GRIK1: variants seen among roughly 807,000 people sequenced by gnomAD.
The protein encoded by GRIK1 is glutamate ionotropic receptor kainate type subunit 1.
In GRIK1, 69 loss-of-function variants were observed where a neutral mutation model predicts 105.7. That is an observed-to-expected ratio of 0.65 (90% CI 0.54 to 0.80). GRIK1 has a LOEUF of 0.80. Among genes scored for constraint, GRIK1 ranks in the 30% least tolerant of loss-of-function variants. The pLI is 0.00. For missense variants in GRIK1, 1,109 were observed against 1,167.3 expected, an observed-to-expected ratio of 0.95 and a Z score of 0.73; for synonymous variants, 438 against 431.3, an observed-to-expected ratio of 1.02 and a Z score of -0.19.
chr21:29,597,750 C>A, intron 8 of GRIK1: 1 of 328,462 alleles, frequency 3.0e-6, no homozygotes, highest in Non-Finnish European at 6.7e-6. Context: ...AATTATTTTC[C>A]TCAAATATTT....
intron 1 of GRIK1, among the ~76,000 whole-genome samples, chr21:29,834,012 C>A (rs1293543306): frequency 6.6e-6 from 1 of 151,966 alleles, no homozygotes; most frequent in Non-Finnish European, 1.5e-5. Context: ...TAATTGTATA[C>A]AAATGTATTA....
At chr21:29,771,056 T>C (rs1435692766) in intron 1 of GRIK1, among the ~76,000 whole-genome samples, 2 of 152,218 alleles carry the variant, frequency 1.3e-5, no homozygotes, top group Admixed American at 6.5e-5. Flanking sequence ...GGTTCTGATA[T>C]TTTATTAACA....
intron 7 of GRIK1, among the ~76,000 whole-genome samples, chr21:29,615,425 T>C (rs190481119): frequency 7.0e-4 from 106 of 152,322 alleles, no homozygotes; most frequent in African/African-American, 2.5e-3. Flanking sequence ...TTCTCCTTCC[T>C]CAGCCTCCCA....
At chr21:29,626,205 G>A (rs547898421) in intron 7 of GRIK1, among the ~76,000 whole-genome samples, 192 of 152,304 alleles carry the variant, frequency 1.3e-3, no homozygotes, top group African/African-American at 4.4e-3. Flanking sequence ...ATGGTGGAAC[G>A]TGGAAGGGCA....
At chr21:29,917,841 A>T (rs1237377502) in intron 1 of GRIK1, among the ~76,000 whole-genome samples, 2 of 152,058 alleles carry the variant, frequency 1.3e-5, no homozygotes, top group South Asian at 2.1e-4. Flanking sequence ...AACCAAAGAC[A>T]TGTTTTTCAC....
intron 1 of GRIK1, among the ~76,000 whole-genome samples, chr21:29,773,817 A>G (rs1352312415): frequency 1.3e-5 from 2 of 152,326 alleles, no homozygotes; most frequent in South Asian, 2.1e-4. Context: ...GCTTGCATGT[A>G]TTTTGTGGAA....
At chr21:29,560,503 CCTTCCTTCCTTCCTTCCTTTCTTT>C (rs1308453792) in intron 15 of GRIK1, among the ~76,000 whole-genome samples, 197 of 15,630 alleles carry the variant, frequency 0.013, 31 homozygotes, top group South Asian at 0.015. Context: ...TTCTTTCCTT[CCTTCCTTCCTTCCTTCCTTTCTTT>C]CTTTCTTTCT....
chr21:29,683,904 T>C (rs1601444343), intron 3 of GRIK1, among the ~76,000 whole-genome samples: 1 of 152,214 alleles, frequency 6.6e-6, no homozygotes. Context: ...GCACTGGCTG[T>C]TCCCTCTGCC....
At chr21:29,798,288 C>A (rs751020183) in intron 1 of GRIK1, among the ~76,000 whole-genome samples, 4 of 152,150 alleles carry the variant, frequency 2.6e-5, no homozygotes, top group Non-Finnish European at 5.9e-5. Context: ...ACCAGATTCT[C>A]AATTTAGGTT....
chr21:29,818,775 C>T (rs2067222134), intron 1 of GRIK1, among the ~76,000 whole-genome samples: 1 of 152,044 alleles, frequency 6.6e-6, no homozygotes. Context: ...CACAGTGACA[C>T]AGTAGGTTTG....
intron 1 of GRIK1, among the ~76,000 whole-genome samples, chr21:29,755,569 A>G (rs562262690): frequency 1.3e-5 from 2 of 152,338 alleles, no homozygotes; most frequent in East Asian, 1.9e-4. Flanking sequence ...ACCGCAAAAC[A>G]TCGCTCCAGA....
chr21:29,541,575 C>CTTTTTTTTTTTTTTTGTTTTTTTTT (rs2089971672), intron 16 of GRIK1, among the ~76,000 whole-genome samples: 1 of 96,006 alleles, frequency 1.0e-5, no homozygotes, highest in Non-Finnish European at 2.0e-5. Flanking sequence ...CACTCACGGT[C>CTTTTTTTTTTTTTTTGTTTTTTTTT]TTTTTTTTTT....
chr21:29,659,529 T>C (rs2062920128), intron 4 of GRIK1, among the ~76,000 whole-genome samples: 1 of 152,230 alleles, frequency 6.6e-6, no homozygotes, highest in Admixed American at 6.5e-5. Flanking sequence ...GAGTGTCTTG[T>C]ACCTATTGTA....
At chr21:29,772,035 A>G (rs1307225469) in intron 1 of GRIK1, among the ~76,000 whole-genome samples, 1 of 152,226 alleles carries the variant, frequency 6.6e-6, no homozygotes, top group Non-Finnish European at 1.5e-5. Context: ...CCAATCTCAT[A>G]GTTTATTCGT....
At position 29,568,376 on chromosome 21, in the gene GRIK1, A is replaced by G. The variant is rs116985445; in HGVS notation, c.2131-6527T>C. Among the ~76,000 whole-genome samples the G allele has an allele frequency of 1.2e-3, 189 of 152,176 alleles. 1 individual carries two copies. The East Asian group carries it at 0.031, about 25-fold the overall frequency. ...TCTCCCTACAATGGCTCATTGCTTC[A>G]TTTCCACTGGTGCAGTGCCCAGTAA... On this transcript the variant is annotated intron_variant, in intron 14 of 17. Transcript: ENST00000327783.
At chr21:29,610,063 G>A (rs2061699188) in intron 7 of GRIK1, among the ~76,000 whole-genome samples, 1 of 152,152 alleles carries the variant, frequency 6.6e-6, no homozygotes, top group African/African-American at 2.4e-5. Flanking sequence ...AAACTGGTCT[G>A]TTATTTGTTC....
At chr21:29,724,166 T>C (rs1425740020) in intron 1 of GRIK1, among the ~76,000 whole-genome samples, 1 of 152,252 alleles carries the variant, frequency 6.6e-6, no homozygotes, top group African/African-American at 2.4e-5. Context: ...CGTGGCCAAG[T>C]AATTAACCAG....
chr21:29,939,131 C>G (rs1241824358), intron 1 of GRIK1, among the ~76,000 whole-genome samples: 1 of 152,170 alleles, frequency 6.6e-6, no homozygotes, highest in Non-Finnish European at 1.5e-5. Context: ...TCCCCGCACT[C>G]TAGCCCGCGT....
At chr21:29,746,098 C>A (rs925860615) in intron 1 of GRIK1, among the ~76,000 whole-genome samples, 4 of 151,476 alleles carry the variant, frequency 2.6e-5, no homozygotes, top group Admixed American at 2.6e-4. Flanking sequence ...AGCGGGACTC[C>A]GTTTCAAAAA....
Sources: allele counts gnomAD v4.1 joint callset (sites outside exome capture counted in the v4.1 genomes callset), GRCh38; gene constraint gnomAD v4.1.1; transcripts MANE v1.5; gene names NCBI Gene and HGNC (gene_info 2026-07-23, HGNC 2026-07-21).